GALNT13: variants seen among roughly 807,000 people sequenced by gnomAD.
GALNT13 encodes polypeptide N-acetylgalactosaminyltransferase 13.
Under a neutral mutation model 64.2 loss-of-function variants are expected in GALNT13, and 28 were observed. The observed-to-expected ratio is 0.44, with a 90% CI of 0.32 to 0.60. The LOEUF is 0.60. Ranked by LOEUF, GALNT13 falls within the 20% of genes least tolerant of loss-of-function variation. GALNT13 has a pLI of 0.05. For missense variants in GALNT13, 577 were observed against 669.8 expected, an observed-to-expected ratio of 0.86 and a Z score of 1.53; for synonymous variants, 214 against 224.6, an observed-to-expected ratio of 0.95 and a Z score of 0.42.
chr2:154,388,021 A>G (rs1176672304), intron 9 of GALNT13, among the ~76,000 whole-genome samples: 1 of 152,120 alleles, frequency 6.6e-6, no homozygotes, highest in Non-Finnish European at 1.5e-5. Flanking sequence ...GGCTGTACTA[A>G]TTTATATTTC....
chr2:153,583,908 T>C, the GALNT13 span, among the ~76,000 whole-genome samples: 1 of 152,144 alleles, frequency 6.6e-6, no homozygotes. Context: ...AGCACCCACT[T>C]CCTCTGGGAA....
intron 9 of GALNT13, among the ~76,000 whole-genome samples, chr2:154,367,673 C>T (rs928641877): frequency 3.3e-5 from 5 of 152,054 alleles, no homozygotes; most frequent in Non-Finnish European, 7.4e-5. Context: ...AATCTTTTGG[C>T]AGAGCCTGAC....
chr2:154,189,123 C>G (rs1182838216), intron 4 of GALNT13, among the ~76,000 whole-genome samples: 1 of 151,802 alleles, frequency 6.6e-6, no homozygotes, highest in Non-Finnish European at 1.5e-5. Flanking sequence ...TAGTTGTACT[C>G]TGACCATTCA....
chr2:153,408,857 G>A, the GALNT13 span, among the ~76,000 whole-genome samples: 2 of 152,124 alleles, frequency 1.3e-5, no homozygotes, highest in African/African-American at 2.4e-5. Flanking sequence ...CTTAACATTT[G>A]AGTCAGTGGA....
the GALNT13 span, among the ~76,000 whole-genome samples, chr2:153,665,454 T>C: frequency 6.6e-6 from 1 of 152,164 alleles, no homozygotes; most frequent in African/African-American, 2.4e-5. Flanking sequence ...TATTAATATA[T>C]ATGTGTAGAT....
chr2:153,968,967 G>GC (rs1553461093), intron 3 of GALNT13, among the ~76,000 whole-genome samples: 1 of 151,798 alleles, frequency 6.6e-6, no homozygotes, highest in Non-Finnish European at 1.5e-5. Context: ...TCTTTTTTTA[G>GC]TTTTTTCACA....
chr2:154,365,941 TAGTGTGAAGTCAATGCTATTGA>T (rs1246722577), intron 9 of GALNT13, among the ~76,000 whole-genome samples: 1 of 152,164 alleles, frequency 6.6e-6, no homozygotes, highest in Non-Finnish European at 1.5e-5. Context: ...CTCTGGCCAT[TAGTGTGAAGTCAATGCTATTGA>T]CAATCATCAA....
the GALNT13 span, among the ~76,000 whole-genome samples, chr2:153,547,946 G>T: frequency 6.6e-6 from 1 of 152,168 alleles, no homozygotes; most frequent in Non-Finnish European, 1.5e-5. Flanking sequence ...AATGGAAAGA[G>T]ATAATGCTTG....
chr2:153,345,647 C>CT, the GALNT13 span, among the ~76,000 whole-genome samples: 1 of 118,188 alleles, frequency 8.5e-6, no homozygotes, highest in African/African-American at 3.3e-5. Flanking sequence ...TTCTTTCTTT[C>CT]TTTCTTTCTT....
chr2:153,581,050 A>T, the GALNT13 span, among the ~76,000 whole-genome samples: 2 of 152,120 alleles, frequency 1.3e-5, no homozygotes, highest in Non-Finnish European at 2.9e-5. Flanking sequence ...AGTGCTCAAC[A>T]TATTGTGTTA....
chr2:154,107,588 C>CA (rs145286349), intron 3 of GALNT13, among the ~76,000 whole-genome samples: 19,263 of 72,104 alleles, frequency 0.27, 2,093 homozygotes, highest in East Asian at 0.63. Context: ...GACTACATCA[C>CA]AAAAAAAAAA....
At chr2:153,449,018 C>T in the GALNT13 span, among the ~76,000 whole-genome samples, 3 of 152,058 alleles carry the variant, frequency 2.0e-5, no homozygotes, top group Admixed American at 6.6e-5. Context: ...GTTTTTCTCC[C>T]TGTCTCTCTT....
the GALNT13 span, among the ~76,000 whole-genome samples, chr2:153,411,499 A>T: frequency 6.6e-6 from 1 of 152,166 alleles, no homozygotes; most frequent in Non-Finnish European, 1.5e-5. Context: ...GTGGGGGAAG[A>T]TGTATGCATG....
At position 153,992,007 on chromosome 2, in the gene GALNT13, A is replaced by G. The variant is rs1335137721; in HGVS notation, c.142+47368A>G. The stretch of plus-strand genomic sequence containing the variant: ...TGTGTTTGAAATCATGGGAGAGTGG[A>G]TCATGAAAATGAAACATTAATCTGA... On this transcript the variant is annotated intron_variant, in intron 3 of 12. Coordinates refer to ENST00000392825, the MANE Select transcript of GALNT13 (RefSeq NM_052917.4). Among the ~76,000 whole-genome samples, 3 of 152,188 alleles carry G rather than the reference A, an allele frequency of 2.0e-5. No homozygotes were observed. In the East Asian group the frequency reaches 5.8e-4, roughly 29 times the overall value.
At chr2:153,882,089 G>A (rs536595838) in intron 1 of GALNT13, among the ~76,000 whole-genome samples, 1 of 151,644 alleles carries the variant, frequency 6.6e-6, no homozygotes, top group South Asian at 2.1e-4. Context: ...AACTCATTAA[G>A]TCAAGCATTA....
the GALNT13 span, among the ~76,000 whole-genome samples, chr2:153,804,990 A>G: frequency 6.6e-6 from 1 of 152,030 alleles, no homozygotes; most frequent in Admixed American, 6.5e-5. Flanking sequence ...CTTAGAAATT[A>G]AAGTAGTCTA....
intron 9 of GALNT13, among the ~76,000 whole-genome samples, chr2:154,371,510 T>G (rs1316920153): frequency 6.6e-6 from 1 of 152,080 alleles, no homozygotes; most frequent in Non-Finnish European, 1.5e-5. Flanking sequence ...CAAGAGGATA[T>G]TATGAATTCA....
At chr2:154,252,756 T>C (rs1043870800) in intron 7 of GALNT13, among the ~76,000 whole-genome samples, 7 of 151,244 alleles carry the variant, frequency 4.6e-5, no homozygotes, top group African/African-American at 1.7e-4. Context: ...GATAGATAGA[T>C]AGATAGATAG....
the GALNT13 span, among the ~76,000 whole-genome samples, chr2:153,501,401 G>C: frequency 0.087 from 13,270 of 151,834 alleles, 583 homozygotes; most frequent in South Asian, 0.16. Context: ...GCACAATCTC[G>C]GCTCACTTCA....
Sources: gnomAD v4.1 joint callset for allele counts (sites outside exome capture counted in the v4.1 genomes callset) on GRCh38, gnomAD v4.1.1 for gene constraint, MANE v1.5 for transcripts, NCBI Gene and HGNC (gene_info 2026-07-23, HGNC 2026-07-21) for gene names.